The following ACACA variants were observed in gnomAD, a reference collection of about 807,000 sequenced individuals.
ACACA encodes the protein acetyl-CoA carboxylase 1.
ACACA carries 103 observed loss-of-function variants against 296.1 expected under a neutral mutation model. That is an observed-to-expected ratio of 0.35 (90% CI 0.30 to 0.41). ACACA has a LOEUF of 0.41. Among genes scored for constraint, ACACA ranks in the 10% least tolerant of loss-of-function variants. The probability of loss-of-function intolerance (pLI) is 1.00; values close to 1 mark genes in which losing one functional copy is unlikely to be tolerated. For synonymous variants in ACACA, 953 were observed against 1,038.6 expected, an observed-to-expected ratio of 0.92 and a Z score of 1.58; for missense variants, 1,554 against 2,989.7, an observed-to-expected ratio of 0.52 and a Z score of 11.20.
At chr17:37,159,226 GGTTTTTA>G (rs924724827) in intron 42 of ACACA, among the ~76,000 whole-genome samples, 3 of 151,586 alleles carry the variant, frequency 2.0e-5, no homozygotes, top group Non-Finnish European at 2.9e-5. Flanking sequence ...TAAACATTTT[GGTTTTTA>G]AAGTTTTTTT....
intron 1 of ACACA, among the ~76,000 whole-genome samples, chr17:37,395,922 G>A (rs1379954993): frequency 6.6e-6 from 1 of 152,190 alleles, no homozygotes; most frequent in African/African-American, 2.4e-5. Context: ...GTTGCTTAGG[G>A]CAAAGAAGGT....
intron 30 of ACACA, among the ~76,000 whole-genome samples, chr17:37,210,129 C>T (rs2145441079): frequency 6.6e-6 from 1 of 152,256 alleles, no homozygotes; most frequent in East Asian, 1.9e-4. Flanking sequence ...TTAAGGGTTT[C>T]TCCTCTGAAA....
At chr17:37,198,702 C>T (rs2078114374) in intron 35 of ACACA, among the ~76,000 whole-genome samples, 1 of 152,200 alleles carries the variant, frequency 6.6e-6, no homozygotes, top group African/African-American at 2.4e-5. Flanking sequence ...ATGCAGTCCA[C>T]AACATTTCCT....
In ACACA at chr17:37,405,796, C is replaced by T. The variant is rs554107262; in HGVS notation, c.38+466G>A. ...CTAGAACTCCAGACCCTGTGATCCG[C>T]CCGCCTCGGCCTGCCAAAGTGCTGG... On this transcript the variant is annotated intron_variant, in intron 1 of 55. Coordinates refer to ENST00000616317, the MANE Select transcript of ACACA (RefSeq NM_198834.3). Among the ~76,000 whole-genome samples the T allele has an allele frequency of 3.3e-5, 5 of 151,680 alleles. No homozygotes were observed. The East Asian group carries it at 7.7e-4, about 23-fold the overall frequency.
chr17:37,342,570 T>A lies in ACACA; in HGVS notation c.39-2720A>T, dbSNP rs540461341. The stretch of plus-strand genomic sequence containing the variant: ...TATTCAGCTTTTATTTGGAGACTCT[T>A]GAAAATTTTTGCGGAAGGCTCCCAA... On this transcript the variant is annotated intron_variant, in intron 1 of 55. Transcript: ENST00000616317. 1.7e-4 allele frequency among the ~76,000 whole-genome samples: 26 copies of A among 150,782 alleles called. No individual in the cohort carries two copies. The South Asian group carries it at 5.4e-3, about 32-fold the overall frequency.
At chr17:37,386,069 C>T (rs765382130) in intron 1 of ACACA, 1 of 1,606,148 alleles carries the variant, frequency 6.2e-7, no homozygotes, top group Admixed American at 1.7e-5. Context: ...ACTTTTCCCA[C>T]CACTGCCCCT....
intron 3 of ACACA, among the ~76,000 whole-genome samples, chr17:37,326,833 A>C (rs998120029): frequency 6.6e-6 from 1 of 152,114 alleles, no homozygotes; most frequent in Admixed American, 6.6e-5. Flanking sequence ...CCTCTAAAAA[A>C]AAAAAAGAAA....
At chr17:37,348,900 G>C (rs1885797351) in intron 1 of ACACA, among the ~76,000 whole-genome samples, 1 of 146,290 alleles carries the variant, frequency 6.8e-6, no homozygotes, top group Admixed American at 6.9e-5. Context: ...AGTGAGCCGA[G>C]ATCGCGCCAC....
At chr17:37,268,324 C>A (rs2081889461) in intron 10 of ACACA, among the ~76,000 whole-genome samples, 1 of 152,168 alleles carries the variant, frequency 6.6e-6, no homozygotes, top group African/African-American at 2.4e-5. Context: ...TTGCTTCCTG[C>A]AGGTGTCTAG....
At chr17:37,299,645 A>C in intron 3 of ACACA, 1 of 1,120,362 alleles carries the variant, frequency 8.9e-7, no homozygotes, top group South Asian at 3.3e-5. Flanking sequence ...AGAAATATAA[A>C]AGCTTGTTTA....
intron 29 of ACACA, among the ~76,000 whole-genome samples, chr17:37,217,260 CAAA>C (rs34419580): frequency 7.5e-3 from 320 of 42,526 alleles, no homozygotes; most frequent in African/African-American, 0.025. Flanking sequence ...AACTCTATCT[CAAA>C]AAAAAAAAAA....
intron 25 of ACACA, among the ~76,000 whole-genome samples, chr17:37,230,463 T>G (rs2079806906): frequency 6.6e-6 from 1 of 152,110 alleles, no homozygotes; most frequent in Non-Finnish European, 1.5e-5. Context: ...CAGTATGAAT[T>G]AACCACTATT....
intron 3 of ACACA, among the ~76,000 whole-genome samples, chr17:37,290,450 A>G (rs1429706615): frequency 6.6e-6 from 1 of 152,214 alleles, no homozygotes; most frequent in Non-Finnish European, 1.5e-5. Flanking sequence ...ACACTATGCT[A>G]AGCTCTTCAC....
chr17:37,146,043 G>T (rs1421162950), intron 45 of ACACA, among the ~76,000 whole-genome samples: 1 of 152,050 alleles, frequency 6.6e-6, no homozygotes, highest in East Asian at 1.9e-4. Flanking sequence ...TGGCGTCCAT[G>T]AATAAAACAT....
chr17:37,146,002 G>A (rs1282846113), intron 45 of ACACA, among the ~76,000 whole-genome samples: 1 of 152,168 alleles, frequency 6.6e-6, no homozygotes, highest in Non-Finnish European at 1.5e-5. Flanking sequence ...GCACTTCCTG[G>A]TTTTGGAATA....
chr17:37,260,395 T>C (rs2146250243), intron 11 of ACACA, among the ~76,000 whole-genome samples: 1 of 145,204 alleles, frequency 6.9e-6, no homozygotes, highest in South Asian at 2.3e-4. Context: ...CCTCCGCCTC[T>C]CGGATTCAAG....
At position 37,205,869 on chromosome 17, in the gene ACACA, G is replaced by A; in HGVS notation, c.3952C>T (p.Pro1318Ser). The A allele has an allele frequency of 1.2e-6, 2 of 1,611,246 alleles. No homozygotes were observed. Among genetic ancestry groups the A allele is most frequent in the Non-Finnish European group, 1.7e-6 (2 of 1,178,768 alleles). Residue 1318 changes from proline (P) to serine (S), a missense_variant, in exon 33 of 56, where the codon CCC (proline) becomes TCC (serine). By Grantham distance (74) the Pro-to-Ser change is moderately conservative. Around this residue, in one of 16 missense-constraint regions of ACACA, gnomAD observed 179 missense variants for 283.2 expected, o/e 0.63. Transcript: ENST00000616317. The stretch of plus-strand genomic sequence containing the variant: ...AGAATGTGAATTGGTTCATCCCTGG[G>A]AACCTGTAACTCAAGAACACAAGTC... ...HTSLYDEDKVPRDEPIHILNV... is the reference protein window; with the variant it reads ...HTSLYDEDKVSRDEPIHILNV...
Position 37,161,909 on chromosome 17 carries a change from C to G in ACACA, c.5221G>C (p.Glu1741Gln). ...QEDLLFLRAS[E>Q]LARAEGIPRI... is the part of the protein sequence containing the mutation. Reference sequence around the variant, plus strand: ...GGAATACCTTCTGCCCTAGCAAGTTCGGAAGCTCTGAGAAATAACAAATCC... The same window carrying G: ...GGAATACCTTCTGCCCTAGCAAGTTGGGAAGCTCTGAGAAATAACAAATCC... Residue 1741 changes from glutamate (E) to glutamine (Q), a missense_variant, in exon 42 of 56, where the codon GAA (glutamate) becomes CAA (glutamine). Glu to Gln is a conservative substitution (Grantham distance 29). Transcript: ENST00000616317. 1 of 1,614,154 alleles carries G rather than the reference C, an allele frequency of 6.2e-7. No individual in the cohort carries two copies. The highest frequency in any genetic ancestry group is 8.5e-7 in the Non-Finnish European group (1 of 1,180,026).
At chr17:37,309,084 A>G (rs2084012599) in intron 3 of ACACA, among the ~76,000 whole-genome samples, 1 of 152,130 alleles carries the variant, frequency 6.6e-6, no homozygotes, top group Non-Finnish European at 1.5e-5. Flanking sequence ...CAGTAGCATG[A>G]TCATAGTTCA....
Sources: gnomAD v4.1 joint callset for allele counts (sites outside exome capture counted in the v4.1 genomes callset) on GRCh38, gnomAD v4.1.1 for gene constraint, gnomAD v4.1.1 regional missense constraint, MANE v1.5 for transcripts, NCBI Gene and HGNC (gene_info 2026-07-23, HGNC 2026-07-21) for gene names.